Variants in ZNF197 observed in about 807,000 individuals in gnomAD.
ZNF197 encodes the protein zinc finger protein 197, also known as VHL-associated KRAB-A domain-containing protein.
A neutral mutation model predicts 27.4 loss-of-function variants in ZNF197; 14 were observed. That is an observed-to-expected ratio of 0.51 (90% CI 0.34 to 0.80). ZNF197 has a LOEUF of 0.80. Ranked by LOEUF, ZNF197 falls within the 30% of genes least tolerant of loss-of-function variation. ZNF197 has a pLI of 0.02. For synonymous variants in ZNF197, 415 were observed against 420.0 expected (o/e 0.99, Z 0.15); for missense variants, 1,090 against 1,222.6 (o/e 0.89, Z 1.62).
Position 44,643,946 on chromosome 3 carries a change from TTACTTC to T in ZNF197, c.2819_2824del (p.Thr940_Ser941del). The T allele has an allele frequency of 6.2e-7, 1 of 1,614,132 alleles. No homozygotes were observed. The highest frequency in any genetic ancestry group is 8.5e-7 in the Non-Finnish European group (1 of 1,180,028). On this transcript the variant is annotated inframe_deletion, in exon 6 of 6. Transcript: ENST00000344387. ...GAGTGTGACAAGTGTAGGAAATCCT[TTACTTC>T]TAAGAGGAATTTAGTTGGCCACCAG...
chr3:44,632,073 G>A (rs1324868710), intron 3 of ZNF197, 32 bp from the exon 4 acceptor site: 3 of 1,601,862 alleles, frequency 1.9e-6, no homozygotes, highest in African/African-American at 1.3e-5. Flanking sequence ...AAGGTTTGTA[G>A]GTCCCATATG....
chr3:44,630,019 C>G (rs928543556), intron 2 of ZNF197, among the ~76,000 whole-genome samples: 1 of 152,122 alleles, frequency 6.6e-6, no homozygotes, highest in Non-Finnish European at 1.5e-5. Context: ...GAGTTCAAGA[C>G]CAGCCTGGAC....
In ZNF197 at chr3:44,642,549, A is replaced by G. The variant is rs2125822497; in HGVS notation, c.1419A>G (p.Leu473=). The G allele has an allele frequency of 3.1e-6, 5 of 1,614,134 alleles. No individual in the cohort carries two copies. Among genetic ancestry groups the G allele is most frequent in the Non-Finnish European group, 4.2e-6 (5 of 1,180,010 alleles). ...FYRHSGLIIH[L]RRHSGERPYK... is the part of the protein sequence containing the mutation. ...GGCACTCAGGCCTAATTATACATCTAAGGCGCCATTCAGGGGAGAGACCTT... is the reference window on the plus strand; with the variant it reads ...GGCACTCAGGCCTAATTATACATCTGAGGCGCCATTCAGGGGAGAGACCTT... Residue 473 remains leucine (L), a synonymous_variant, in exon 6 of 6, where the codon CTA becomes CTG. Coordinates refer to ENST00000344387, the MANE Select transcript of ZNF197 (RefSeq NM_006991.5).
intron 5 of ZNF197, 104 bp downstream of exon 5, chr3:44,632,703 T>TA: frequency 4.6e-6 from 6 of 1,317,008 alleles, no homozygotes; most frequent in Non-Finnish European, 5.9e-6. Context: ...CACCGAATAT[T>TA]ACAAAGAAGA....
chr3:44,625,994 G>GTTT (rs1372980525), intron 1 of ZNF197, among the ~76,000 whole-genome samples: 1 of 152,174 alleles, frequency 6.6e-6, no homozygotes, highest in Non-Finnish European at 1.5e-5. Context: ...CCATGTCTCA[G>GTTT]TTAGCTAAGT....
chr3:44,646,486 G>A lies in ZNF197; in HGVS notation c.*2266G>A, dbSNP rs962813388. The A allele has an allele frequency of 2.5e-6, 4 of 1,603,882 alleles. No individual in the cohort carries two copies. In the Admixed American group the frequency reaches 5.0e-5, roughly 20 times the overall value. The stretch of plus-strand genomic sequence containing the variant: ...TTAATCAAGCTTCTTGGACCTCATT[G>A]CCAGGTTACAGGAAATACAGGAGGC... On this transcript the variant is annotated 3_prime_UTR_variant, in exon 6 of 6. Transcript: ENST00000344387.
chr3:44,632,158 C>A lies in ZNF197; in HGVS notation c.604C>A (p.Gln202Lys). The A allele has an allele frequency of 6.2e-7, 1 of 1,614,150 alleles. No homozygotes were observed. Among genetic ancestry groups the A allele is most frequent in the South Asian group, 1.1e-5 (1 of 91,070 alleles). ...TTCCCAGGAAGAGAACCCAAGAAAT[C>A]AATTAATGGCACTTATGCTCCTAAC... Reference protein sequence around the residue: ...ALSQEENPRNQLMALMLLTAQ... With the variant: ...ALSQEENPRNKLMALMLLTAQ... The change falls in exon 4 of 6, where the codon CAA becomes AAA. Residue 202 changes from glutamine (Q) to lysine (K), a missense_variant. By Grantham distance (53) the Gln-to-Lys change is moderately conservative. Coordinates refer to ENST00000344387, the MANE Select transcript of ZNF197 (RefSeq NM_006991.5).
chr3:44,636,263 C>T (rs1043953541), intron 5 of ZNF197, among the ~76,000 whole-genome samples: 4 of 150,070 alleles, frequency 2.7e-5, no homozygotes, highest in Non-Finnish European at 4.4e-5. Flanking sequence ...CGAGATTGTG[C>T]CATTGCACTC....
chr3:44,635,657 G>C (rs1162602147), intron 5 of ZNF197, among the ~76,000 whole-genome samples: 1 of 152,140 alleles, frequency 6.6e-6, no homozygotes, highest in African/African-American at 2.4e-5. Flanking sequence ...AAAACTTGAA[G>C]GAAAGTATTA....
In ZNF197 at chr3:44,630,553, C is replaced by A. The variant is rs577034662; in HGVS notation, c.391-509C>A. On this transcript the variant is annotated intron_variant, in intron 2 of 5. Coordinates refer to ENST00000344387, the MANE Select transcript of ZNF197 (RefSeq NM_006991.5). ...AATTTTAGAGCTATATATTTCGTTACAAATTACTAATACATCCTCATTTGA... is the reference window on the plus strand; with the variant it reads ...AATTTTAGAGCTATATATTTCGTTAAAAATTACTAATACATCCTCATTTGA... Among the ~76,000 whole-genome samples the A allele has an allele frequency of 2.6e-5, 4 of 152,286 alleles. No homozygotes were observed. In the South Asian group the frequency reaches 8.3e-4, roughly 32 times the overall value.
Position 44,644,634 on chromosome 3 carries a change from T to C in ZNF197, c.*414T>C. On this transcript the variant is annotated 3_prime_UTR_variant, in exon 6 of 6. Coordinates refer to ENST00000344387, the MANE Select transcript of ZNF197 (RefSeq NM_006991.5). ...AGCCTGGGCAACAAGAGCGAAACTC[T>C]TGTCTGAAAAAATAAAGTTCATCCC... 2 of 987,842 alleles carry C rather than the reference T, an allele frequency of 2.0e-6. No homozygotes were observed. Among genetic ancestry groups the C allele is most frequent in the Non-Finnish European group, 2.4e-6 (2 of 831,734 alleles). 61.2% of individuals were successfully genotyped at this position (987,842 alleles called of 1,614,324 possible). A position where few individuals can be genotyped will look rare whatever the true frequency, so the allele number is the denominator to read the frequency against.
intron 5 of ZNF197, 113 bp downstream of exon 5, chr3:44,632,712 G>GA (rs1220646455): frequency 7.9e-7 from 1 of 1,259,294 alleles, no homozygotes; most frequent in Non-Finnish European, 1.0e-6. Context: ...TTACAAAGAA[G>GA]AAAAAAACCT....
In ZNF197 at chr3:44,642,811, A is replaced by G; in HGVS notation, c.1681A>G (p.Ser561Gly). 1 of 1,613,808 alleles carries G rather than the reference A, an allele frequency of 6.2e-7. No individual in the cohort carries two copies. Among genetic ancestry groups the G allele is most frequent in the South Asian group, 1.1e-5 (1 of 91,028 alleles). The change falls in exon 6 of 6, where the codon AGT (serine) becomes GGT (glycine). Residue 561 changes from serine (S) to glycine (G), a missense_variant. Ser to Gly is a moderately conservative substitution (Grantham distance 56). Coordinates refer to ENST00000344387, the MANE Select transcript of ZNF197 (RefSeq NM_006991.5). Reference sequence around the variant, plus strand: ...TCTTATTGACCATCAGCGACTCCACAGTGCAGAGAACCCTTACAAGTGTAA... The same window carrying G: ...TCTTATTGACCATCAGCGACTCCACGGTGCAGAGAACCCTTACAAGTGTAA... ...TYLIDHQRLH[S>G]AENPYKCKEC... is the part of the protein sequence containing the mutation.
At chr3:44,632,972 A>G (rs1702094887) in intron 5 of ZNF197, among the ~76,000 whole-genome samples, 1 of 152,204 alleles carries the variant, frequency 6.6e-6, no homozygotes, top group Non-Finnish European at 1.5e-5. Flanking sequence ...GATAACTGCT[A>G]TAATAATCAT....
chr3:44,646,129 T>A lies in ZNF197; in HGVS notation c.*1909T>A. Reference sequence around the variant, plus strand: ...GGAAGGGGCCTAAGGCTTAAAGTCTTAAGACCTGGATGTGGTTCAGGTTTT... The same window carrying A: ...GGAAGGGGCCTAAGGCTTAAAGTCTAAAGACCTGGATGTGGTTCAGGTTTT... On this transcript the variant is annotated 3_prime_UTR_variant, in exon 6 of 6. Coordinates refer to ENST00000344387, the MANE Select transcript of ZNF197 (RefSeq NM_006991.5). 1.0e-6 allele frequency: 1 copy of A among 985,318 alleles called. No individual in the cohort carries two copies. The highest frequency in any genetic ancestry group is 1.2e-6 in the Non-Finnish European group (1 of 829,838). The allele number at this position is 985,318 out of a possible 1,614,324, so 61.0% of individuals were successfully genotyped here. A position where few individuals can be genotyped will look rare whatever the true frequency, so the allele number is the denominator to read the frequency against.
rs1239609403 is a variant in ZNF197 at position 44,640,336 on chromosome 3, A to C, written c.770-1564A>C. ...TAGAAATGTTTCATTATATAGAAGC[A>C]GCCCTCCTCTCCATCAGCATTCTCT... On this transcript the variant is annotated intron_variant, in intron 5 of 5. Coordinates refer to ENST00000344387, the MANE Select transcript of ZNF197 (RefSeq NM_006991.5). This position sits in a 1 kb window ranked among gnomAD's most constrained non-coding sequence, Gnocchi z 4.0. 6.6e-6 allele frequency among the ~76,000 whole-genome samples: 1 copy of C among 152,202 alleles called. No homozygotes were observed. Among genetic ancestry groups the C allele is most frequent in the Non-Finnish European group, 1.5e-5 (1 of 68,034 alleles).
chr3:44,629,091 G>A lies in ZNF197; in HGVS notation c.-64G>A. Reference sequence around the variant, plus strand: ...TCTTGTAGATGATACTCTCCAAGCTGTAAGGAAGAAGTCAAGGATTAAGGA... The same window carrying A: ...TCTTGTAGATGATACTCTCCAAGCTATAAGGAAGAAGTCAAGGATTAAGGA... On this transcript the variant is annotated 5_prime_UTR_variant, in exon 2 of 6. Transcript: ENST00000344387. 4 of 1,533,190 alleles carry A rather than the reference G, an allele frequency of 2.6e-6. No individual in the cohort carries two copies. The highest frequency in any genetic ancestry group is 2.3e-5 in the East Asian group (1 of 44,436). The allele number at this position is 1,533,190 out of a possible 1,614,324, so 95.0% of individuals were successfully genotyped here. A position where few individuals can be genotyped will look rare whatever the true frequency, so the allele number is the denominator to read the frequency against.
Position 44,645,801 on chromosome 3 carries a change from T to G in ZNF197, c.*1581T>G, listed in dbSNP as rs1475713624. On this transcript the variant is annotated 3_prime_UTR_variant, in exon 6 of 6. Coordinates refer to ENST00000344387, the MANE Select transcript of ZNF197 (RefSeq NM_006991.5). ...ACATGGAGCCAAGCTCTTCACTGAT[T>G]AAGCCAGTGCAGAATCCACTTGTGG... 2 of 985,334 alleles carry G rather than the reference T, an allele frequency of 2.0e-6. No homozygotes were observed. The highest frequency in any genetic ancestry group is 2.4e-6 in the Non-Finnish European group (2 of 829,944). The allele number at this position is 985,334 out of a possible 1,614,324, so 61.0% of individuals were successfully genotyped here.
intron 5 of ZNF197, among the ~76,000 whole-genome samples, chr3:44,635,085 T>C (rs1702208501): frequency 6.6e-6 from 1 of 151,882 alleles, no homozygotes; most frequent in Non-Finnish European, 1.5e-5. Flanking sequence ...ATTAATTGGC[T>C]AATTTTATGA....
Sources: allele counts gnomAD v4.1 joint callset (sites outside exome capture counted in the v4.1 genomes callset), GRCh38; gene constraint gnomAD v4.1.1; non-coding constraint Gnocchi (gnomAD v3.1); transcripts MANE v1.5; gene names NCBI Gene and HGNC (gene_info 2026-07-23, HGNC 2026-07-21).